Variants in THSD7B observed in about 807,000 individuals in gnomAD.
THSD7B encodes thrombospondin type-1 domain-containing protein 7B.
THSD7B carries 138 observed loss-of-function variants against 213.6 expected under a neutral mutation model. That is an observed-to-expected ratio of 0.65 (90% CI 0.56 to 0.74). The LOEUF (loss-of-function observed/expected upper bound fraction) is 0.74, where lower values mean the gene tolerates loss of function less well. Ranked by LOEUF, THSD7B falls within the 30% of genes least tolerant of loss-of-function variation. THSD7B has a pLI of 0.00. For synonymous variants in THSD7B, 742 were observed against 687.0 expected (o/e 1.08, Z -1.25); for missense variants, 1,931 against 1,991.5 (o/e 0.97, Z 0.58).
chr2:137,616,450 C>A (rs1045072216), intron 18 of THSD7B, 134 bp downstream of exon 18: 2 of 698,116 alleles, frequency 2.9e-6, no homozygotes, highest in Non-Finnish European at 4.6e-6. Context: ...AGCCTGAGGA[C>A]TTCATGTTTC....
intron 15 of THSD7B, among the ~76,000 whole-genome samples, chr2:137,524,785 C>T (rs1038163874): frequency 2.0e-5 from 3 of 152,108 alleles, no homozygotes; most frequent in Non-Finnish European, 4.4e-5. Context: ...TGTACCTGTC[C>T]AGCTCACCAG....
intron 1 of THSD7B, among the ~76,000 whole-genome samples, chr2:136,849,599 G>C (rs532468399): frequency 1.3e-5 from 2 of 152,238 alleles, no homozygotes; most frequent in East Asian, 1.9e-4. Flanking sequence ...AAACATGCAG[G>C]GGGTGGGGAG....
chr2:136,817,518 C>G (rs1325226191), intron 1 of THSD7B, among the ~76,000 whole-genome samples: 125 of 146,052 alleles, frequency 8.6e-4, no homozygotes, highest in South Asian at 1.8e-3. Context: ...AGTCTTTAAT[C>G]CATCTTGAAT....
intron 1 of THSD7B, among the ~76,000 whole-genome samples, chr2:136,780,791 G>A (rs1573635182): frequency 2.0e-5 from 3 of 152,194 alleles, no homozygotes; most frequent in South Asian, 4.2e-4. Context: ...AAATACAAAG[G>A]CATTTCTTGT....
chr2:137,140,643 G>A (rs1679561797), intron 5 of THSD7B, among the ~76,000 whole-genome samples: 1 of 151,796 alleles, frequency 6.6e-6, no homozygotes, highest in Non-Finnish European at 1.5e-5. Flanking sequence ...CTTGCTTTTT[G>A]GAGTTTATTT....
At chr2:137,272,510 A>G in intron 10 of THSD7B, 23 bp from the exon 11 acceptor site, 1 of 1,588,538 alleles carries the variant, frequency 6.3e-7, no homozygotes, top group Non-Finnish European at 8.5e-7. Flanking sequence ...GCACTATATA[A>G]TTTTCTTTTT....
intron 12 of THSD7B, among the ~76,000 whole-genome samples, chr2:137,362,834 G>A (rs1685299893): frequency 6.6e-6 from 1 of 152,178 alleles, no homozygotes; most frequent in South Asian, 2.1e-4. Flanking sequence ...CAATGAGACA[G>A]AAGAGTAACA....
At chr2:136,896,474 A>G (rs1176968487) in intron 2 of THSD7B, among the ~76,000 whole-genome samples, 1 of 152,146 alleles carries the variant, frequency 6.6e-6, no homozygotes, top group Admixed American at 6.5e-5. Context: ...AGTTTTGCAA[A>G]TATTTTCTCC....
At chr2:137,073,286 G>C (rs538373886) in intron 3 of THSD7B, among the ~76,000 whole-genome samples, 1 of 152,304 alleles carries the variant, frequency 6.6e-6, no homozygotes, top group East Asian at 1.9e-4. Context: ...TTCAGAGCCT[G>C]TTATTGTTCT....
intron 10 of THSD7B, among the ~76,000 whole-genome samples, chr2:137,252,228 CT>C (rs1491003943): frequency 2.4e-5 from 3 of 124,644 alleles, no homozygotes; most frequent in Non-Finnish European, 4.7e-5. Context: ...AATCATGCCA[CT>C]GCACTTCAGC....
chr2:137,231,959 A>G (rs1280393543), intron 8 of THSD7B, among the ~76,000 whole-genome samples: 1 of 152,166 alleles, frequency 6.6e-6, no homozygotes, highest in Non-Finnish European at 1.5e-5. Context: ...TTTTTAAGTA[A>G]GTTTCTGTTC....
At chr2:137,225,486 A>G (rs1462156765) in intron 7 of THSD7B, among the ~76,000 whole-genome samples, 1 of 152,222 alleles carries the variant, frequency 6.6e-6, no homozygotes, top group African/African-American at 2.4e-5. Context: ...ACCCCAATGG[A>G]TAAGAACTGA....
At chr2:136,898,702 G>A (rs1684009980) in intron 2 of THSD7B, among the ~76,000 whole-genome samples, 2 of 149,828 alleles carry the variant, frequency 1.3e-5, no homozygotes, top group Admixed American at 1.3e-4. Flanking sequence ...GAGTGCAGTG[G>A]CATGATCTCG....
At chr2:137,206,956 G>T (rs1441486851) in intron 7 of THSD7B, among the ~76,000 whole-genome samples, 1 of 152,044 alleles carries the variant, frequency 6.6e-6, no homozygotes, top group African/African-American at 2.4e-5. Context: ...GTGGGATTTC[G>T]AAGAAAGGGT....
At chr2:137,414,500 C>T (rs1558789702) in intron 14 of THSD7B, among the ~76,000 whole-genome samples, 1 of 151,920 alleles carries the variant, frequency 6.6e-6, no homozygotes, top group Non-Finnish European at 1.5e-5. Flanking sequence ...GGGAGGATCG[C>T]TTGAGCCCAA....
chr2:137,388,539 A>T (rs903132739), intron 12 of THSD7B, among the ~76,000 whole-genome samples: 5 of 152,260 alleles, frequency 3.3e-5, no homozygotes, highest in African/African-American at 1.2e-4. Context: ...CATGTCTTCC[A>T]GCTATTTTGC....
chr2:137,469,252 CT>C (rs1485966974), intron 15 of THSD7B, among the ~76,000 whole-genome samples: 1 of 152,118 alleles, frequency 6.6e-6, no homozygotes, highest in East Asian at 1.9e-4. Flanking sequence ...GTCAAGTTAG[CT>C]GCATAACGCT....
chr2:137,573,492 C>A (rs749591783), intron 17 of THSD7B, among the ~76,000 whole-genome samples: 71 of 151,940 alleles, frequency 4.7e-4, no homozygotes, highest in Middle Eastern at 3.2e-3. Flanking sequence ...AGATTTCACT[C>A]TATTGTTATT....
intron 21 of THSD7B, among the ~76,000 whole-genome samples, chr2:137,652,259 T>G (rs960765285): frequency 5.3e-5 from 8 of 152,104 alleles, no homozygotes; most frequent in Non-Finnish European, 1.2e-4. Flanking sequence ...CTATCAACAA[T>G]TACAGTTGCT....
Sources: gnomAD v4.1 joint callset for allele counts (sites outside exome capture counted in the v4.1 genomes callset) on GRCh38, gnomAD v4.1.1 for gene constraint, MANE v1.5 for transcripts, NCBI Gene and HGNC (gene_info 2026-07-23, HGNC 2026-07-21) for gene names.